Variants in ZNF138 observed in about 807,000 individuals in gnomAD.
ZNF138 encodes zinc finger protein 138.
Under a neutral mutation model 33.0 loss-of-function variants are expected in ZNF138, and 33 were observed. The ratio of observed to expected loss-of-function variants is 1.00; its 90% confidence interval spans 0.76 to 1.34. ZNF138 has a LOEUF of 1.34. Ranked by LOEUF, ZNF138 falls within the 40% of genes most tolerant of loss-of-function variation. ZNF138 has a pLI of 0.00. For synonymous variants in ZNF138, 139 were observed against 120.4 expected (o/e 1.15, Z -1.01); for missense variants, 360 against 370.8 (o/e 0.97, Z 0.24).
chr7:64,803,258 G>GTTTTTTTTTTTTTTTTTTTTTTTTATTTT (rs60101981), intron 1 of ZNF138, among the ~76,000 whole-genome samples: 1 of 113,062 alleles, frequency 8.8e-6, no homozygotes, highest in Non-Finnish European at 1.8e-5. Context: ...TTTGGCAAAG[G>GTTTTTTTTTTTTTTTTTTTTTTTTATTTT]TTTTTTTTTT....
chr7:64,822,673 T>A (rs1296584556), intron 3 of ZNF138, among the ~76,000 whole-genome samples: 1 of 147,436 alleles, frequency 6.8e-6, no homozygotes, highest in Non-Finnish European at 1.5e-5. Context: ...CCACATTGTT[T>A]TTGTTACTGT....
intron 3 of ZNF138, among the ~76,000 whole-genome samples, chr7:64,826,397 G>A (rs1441345609): frequency 6.6e-6 from 1 of 151,694 alleles, no homozygotes; most frequent in Non-Finnish European, 1.5e-5. Flanking sequence ...CTTCTGCCTT[G>A]GCCTCCCAAG....
At chr7:64,799,392 A>G (rs958780357) in intron 1 of ZNF138, among the ~76,000 whole-genome samples, 8 of 152,016 alleles carry the variant, frequency 5.3e-5, no homozygotes, top group Non-Finnish European at 7.4e-5. Context: ...TGAATTCCCA[A>G]CCTCAGGTGA....
At chr7:64,827,446 G>A (rs886958207) in intron 3 of ZNF138, among the ~76,000 whole-genome samples, 2 of 151,832 alleles carry the variant, frequency 1.3e-5, no homozygotes, top group East Asian at 1.9e-4. Context: ...GGGTTTCACC[G>A]TGTTAGCCAG....
chr7:64,794,668 G>A (rs1168897394), intron 1 of ZNF138, 97 bp downstream of exon 1: 35 of 1,575,214 alleles, frequency 2.2e-5, no homozygotes, highest in Non-Finnish European at 3.0e-5. Context: ...TCCCGCAGTC[G>A]GCTGCAAAAT....
chr7:64,845,107 C>T, the ZNF138 span, among the ~76,000 whole-genome samples: 1 of 152,206 alleles, frequency 6.6e-6, no homozygotes, highest in East Asian at 1.9e-4. Flanking sequence ...CTCTGAGTCT[C>T]CACCATCCAC....
At chr7:64,860,719 G>A in the ZNF138 span, among the ~76,000 whole-genome samples, 4 of 152,148 alleles carry the variant, frequency 2.6e-5, no homozygotes, top group Non-Finnish European at 4.4e-5. Context: ...AAACCCAGGA[G>A]GGTAGTATTT....
At chr7:64,830,353 A>T (rs918734710) in intron 3 of ZNF138, among the ~76,000 whole-genome samples, 3 of 151,182 alleles carry the variant, frequency 2.0e-5, no homozygotes, top group African/African-American at 7.3e-5. Flanking sequence ...TTGTTTTTTA[A>T]TATCTTTCAT....
At chr7:64,831,368 T>C in intron 3 of ZNF138, 83 bp from the exon 4 acceptor site, 1 of 1,255,608 alleles carries the variant, frequency 8.0e-7, no homozygotes, top group South Asian at 1.6e-5. Flanking sequence ...ATGTAGTTTG[T>C]ATGATTTTAT....
chr7:64,841,702 A>G, the ZNF138 span, among the ~76,000 whole-genome samples: 1 of 151,866 alleles, frequency 6.6e-6, no homozygotes, highest in East Asian at 1.9e-4. Context: ...CCTTTTTTCT[A>G]CGTGATTGCT....
chr7:64,848,704 ATT>A, the ZNF138 span, among the ~76,000 whole-genome samples: 4,739 of 102,518 alleles, frequency 0.046, 235 homozygotes, highest in African/African-American at 0.16. Flanking sequence ...ATTTTGGTGG[ATT>A]TTTTTTTTTT....
At chr7:64,801,691 T>C (rs1437159999) in intron 1 of ZNF138, among the ~76,000 whole-genome samples, 4 of 150,316 alleles carry the variant, frequency 2.7e-5, no homozygotes, top group Non-Finnish European at 5.9e-5. Flanking sequence ...TGGTTAAGTA[T>C]TGAGTTTAGT....
At chr7:64,859,978 A>T in the ZNF138 span, among the ~76,000 whole-genome samples, 2 of 152,174 alleles carry the variant, frequency 1.3e-5, no homozygotes, top group African/African-American at 2.4e-5. Flanking sequence ...CTCTACTAAA[A>T]ATACAAAAAT....
At chr7:64,847,315 CAT>C in the ZNF138 span, among the ~76,000 whole-genome samples, 447 of 104,202 alleles carry the variant, frequency 4.3e-3, 3 homozygotes, top group East Asian at 0.02. Context: ...TCTTCTAATA[CAT>C]ATATATATAT....
chr7:64,832,626 CTTATGAGACATAA>C lies in ZNF138; in HGVS notation c.*425_*437del. 2.1e-6 allele frequency: 1 copy of C among 477,450 alleles called. No individual in the cohort carries two copies. Among genetic ancestry groups the C allele is most frequent in the South Asian group, 1.7e-5 (1 of 57,994 alleles). 29.6% of individuals were successfully genotyped at this position (477,450 alleles called of 1,614,324 possible). On this transcript the variant is annotated 3_prime_UTR_variant, in exon 4 of 4. Coordinates refer to ENST00000307355, the MANE Select transcript of ZNF138 (RefSeq NM_001271639.2). ...CAAAGCTTTTAACCAGTCCTCACAC[CTTATGAGACATAA>C]GAAAATTCATAGTAAAGAGAAACCC... is the stretch of plus-strand genomic sequence containing the variant.
In ZNF138 at chr7:64,831,872, T is replaced by C; in HGVS notation, c.630T>C (p.Leu210=). ...CGKTFNWSTN[L]SKPKKIHTGE... ...AAACCTTTAACTGGTCCACAAACCT[T>C]TCTAAACCTAAGAAAATTCATACTG... is the stretch of plus-strand genomic sequence containing the variant. The change falls in exon 4 of 4, where the codon CTT becomes CTC. Residue 210 remains leucine (L), a synonymous_variant. Transcript: ENST00000307355. The C allele has an allele frequency of 6.2e-7, 1 of 1,613,872 alleles. No individual in the cohort carries two copies. The highest frequency in any genetic ancestry group is 8.5e-7 in the Non-Finnish European group (1 of 1,179,918).
chr7:64,826,754 A>G (rs1297939203), intron 3 of ZNF138, among the ~76,000 whole-genome samples: 1 of 152,070 alleles, frequency 6.6e-6, no homozygotes, highest in Non-Finnish European at 1.5e-5. Flanking sequence ...GGTTCAAACA[A>G]TTCTTGTGCC....
At chr7:64,820,827 G>A (rs13247620) in intron 3 of ZNF138, among the ~76,000 whole-genome samples, 141,982 of 151,486 alleles carry the variant, frequency 0.94, 66,744 homozygotes, top group South Asian at 0.98. Flanking sequence ...GCCTCCTAAA[G>A]TGTTGAGATT....
chr7:64,838,208 C>T (rs12535385), downstream of ZNF138, among the ~76,000 whole-genome samples: 92,935 of 152,048 alleles, frequency 0.61, 28,731 homozygotes, highest in East Asian at 0.7. Context: ...CTTCGCCATC[C>T]GAGGAGGGGT....
Sources: allele counts gnomAD v4.1 joint callset (sites outside exome capture counted in the v4.1 genomes callset), GRCh38; gene constraint gnomAD v4.1.1; transcripts MANE v1.5; gene names NCBI Gene and HGNC (gene_info 2026-07-23, HGNC 2026-07-21).